Variants in SMC2 observed in about 807,000 individuals in gnomAD.
SMC2 encodes the protein structural maintenance of chromosomes protein 2.
In SMC2, 41 loss-of-function variants were observed where a neutral mutation model predicts 142.6. The ratio of observed to expected loss-of-function variants is 0.29; its 90% CI spans 0.22 to 0.37. The LOEUF is 0.37. SMC2 is among the 10% of genes least tolerant of loss of function. The probability of loss-of-function intolerance (pLI) is 1.00; values close to 1 mark genes in which losing one functional copy is unlikely to be tolerated. For synonymous variants in SMC2, 463 were observed against 457.5 expected (o/e 1.01, Z -0.15); for missense variants, 1,265 against 1,373.7 (o/e 0.92, Z 1.25).
In SMC2 at chr9:104,138,090, G is replaced by A. The variant is rs773460256; in HGVS notation, c.3342G>A (p.Glu1114=). The change falls in exon 24 of 25, where the codon GAG becomes GAA. Residue 1114 remains glutamate, a synonymous_variant. Transcript: ENST00000374793. ...FKPAPIYILD[E]VDAALDLSHT... is the part of the protein sequence containing the mutation. Reference sequence around the variant, plus strand: ...CTGCTCCAATTTATATCCTTGATGAGGTAGATGCAGCCTTGGATCTTTCTC... The same window carrying A: ...CTGCTCCAATTTATATCCTTGATGAAGTAGATGCAGCCTTGGATCTTTCTC... 10 of 1,609,630 alleles carry A rather than the reference G, an allele frequency of 6.2e-6. No homozygotes were observed. In the Admixed American group the frequency reaches 1.5e-4, roughly 24 times the overall value.
At chr9:104,131,839 A>G (rs1218547263) in intron 21 of SMC2, among the ~76,000 whole-genome samples, 170 bp from the exon 22 acceptor site, 1 of 152,016 alleles carries the variant, frequency 6.6e-6, no homozygotes, top group Admixed American at 6.6e-5. Context: ...ATCATACAGT[A>G]TATGTATAGT....
intron 9 of SMC2, among the ~76,000 whole-genome samples, chr9:104,107,085 A>G (rs1831886059): frequency 6.6e-6 from 1 of 152,246 alleles, no homozygotes. Flanking sequence ...TTTTTCATGA[A>G]GCCTGCTGGT....
intron 9 of SMC2, among the ~76,000 whole-genome samples, chr9:104,109,135 G>T (rs992084326): frequency 2.0e-5 from 3 of 152,166 alleles, no homozygotes; most frequent in Non-Finnish European, 2.9e-5. Flanking sequence ...TCTTTGTCCA[G>T]CTACTTAATT....
At chr9:104,099,117 G>A (rs191228449) in intron 4 of SMC2, among the ~76,000 whole-genome samples, 1 of 152,148 alleles carries the variant, frequency 6.6e-6, no homozygotes, top group East Asian at 1.9e-4. Flanking sequence ...CTACATTCTA[G>A]TAATACAATT....
At chr9:104,096,637 G>A (rs1290065579) in intron 3 of SMC2, among the ~76,000 whole-genome samples, 1 of 152,194 alleles carries the variant, frequency 6.6e-6, no homozygotes, top group African/African-American at 2.4e-5. Context: ...TTTTTGGACA[G>A]GTCTTATTAG....
At chr9:104,109,434 C>T (rs969686524) in intron 9 of SMC2, among the ~76,000 whole-genome samples, 2 of 152,198 alleles carry the variant, frequency 1.3e-5, no homozygotes, top group African/African-American at 4.8e-5. Flanking sequence ...CAACCTCGTT[C>T]AAGCCATCAC....
In SMC2 at chr9:104,095,405, T is replaced by C. The variant is rs747403517; in HGVS notation, c.21T>C (p.Ile7=). Residue 7 remains isoleucine, a synonymous_variant, in exon 2 of 25, where the codon ATT becomes ATC. Coordinates refer to ENST00000374793, the MANE Select transcript of SMC2 (RefSeq NM_006444.3). ...CGAAAATGCATATTAAGTCAATTAT[T>C]CTAGAGGGATTCAAGTCCTATGCTC... is the stretch of plus-strand genomic sequence containing the variant. MHIKSI[I]LEGFKSYAQR... is the part of the protein sequence containing the mutation. 1.2e-6 allele frequency: 2 copies of C among 1,613,268 alleles called. No individual in the cohort carries two copies. The highest frequency in any genetic ancestry group is 1.7e-6 in the Non-Finnish European group (2 of 1,179,990).
At position 104,100,345 on chromosome 9, in the gene SMC2, T is replaced by A. The variant is rs200591503; in HGVS notation, c.592-44T>A. On this transcript the variant is annotated intron_variant, in intron 6 of 24. Transcript: ENST00000374793. ...TACTTCTCTTTCAAATAAATTTTAA[T>A]GATACTTTACATGCGAAAATACTGA... is the stretch of plus-strand genomic sequence containing the variant. 34 of 1,482,610 alleles carry A rather than the reference T, an allele frequency of 2.3e-5. No homozygotes were observed. In the East Asian group the frequency reaches 7.7e-4, roughly 34 times the overall value. The allele number at this position is 1,482,610 out of a possible 1,614,324, so 91.8% of individuals were successfully genotyped here. A position where few individuals can be genotyped will look rare whatever the true frequency, so the allele number is the denominator to read the frequency against.
At chr9:104,111,549 T>TAATA in intron 9 of SMC2, 32 bp from the exon 10 acceptor site, 1 of 1,469,812 alleles carries the variant, frequency 6.8e-7, no homozygotes, top group Non-Finnish European at 9.4e-7. Flanking sequence ...TCCTGAAATA[T>TAATA]AATATTTTTC....
chr9:104,098,405 T>C, intron 3 of SMC2, 41 bp from the exon 4 acceptor site: 1 of 1,518,268 alleles, frequency 6.6e-7, no homozygotes, highest in Non-Finnish European at 8.9e-7. Context: ...GCACAAGGTG[T>C]GCATGTACAT....
intron 16 of SMC2, among the ~76,000 whole-genome samples, chr9:104,122,160 G>C (rs890501155): frequency 4.6e-5 from 7 of 152,122 alleles, no homozygotes; most frequent in African/African-American, 1.7e-4. Context: ...TTTGTAGTTA[G>C]TTACATTTGG....
At chr9:104,135,550 G>T (rs927425772) in intron 23 of SMC2, among the ~76,000 whole-genome samples, 2 of 152,080 alleles carry the variant, frequency 1.3e-5, no homozygotes, top group African/African-American at 2.4e-5. Flanking sequence ...TTCCAGATTT[G>T]ATGAATTCTG....
intron 23 of SMC2, among the ~76,000 whole-genome samples, chr9:104,136,606 G>A (rs1167427966): frequency 2.0e-5 from 3 of 151,670 alleles, no homozygotes; most frequent in Non-Finnish European, 4.4e-5. Flanking sequence ...TTTTTTTTAA[G>A]ATTAAGTTTT....
At chr9:104,099,050 A>C (rs929151095) in intron 4 of SMC2, among the ~76,000 whole-genome samples, 3 of 152,142 alleles carry the variant, frequency 2.0e-5, no homozygotes, top group Non-Finnish European at 2.9e-5. Context: ...CAGTGGGACC[A>C]AAATAAAAAT....
intron 21 of SMC2, 57 bp from the exon 22 acceptor site, chr9:104,131,952 C>T (rs1835022055): frequency 3.4e-6 from 3 of 883,450 alleles, no homozygotes; most frequent in Middle Eastern, 2.9e-4. Context: ...TGACCAAATT[C>T]CAGAATATAG....
At chr9:104,137,034 G>T (rs1055711980) in intron 23 of SMC2, among the ~76,000 whole-genome samples, 1 of 152,072 alleles carries the variant, frequency 6.6e-6, no homozygotes, top group African/African-American at 2.4e-5. Context: ...TGTAATCTCA[G>T]CTACTAGGGA....
At chr9:104,105,734 G>A (rs1290780028) in intron 9 of SMC2, among the ~76,000 whole-genome samples, 1 of 152,162 alleles carries the variant, frequency 6.6e-6, no homozygotes, top group Non-Finnish European at 1.5e-5. Flanking sequence ...GTTGGGGTCT[G>A]TTGGTGTACA....
chr9:104,134,003 GT>G (rs548468494), intron 22 of SMC2, among the ~76,000 whole-genome samples: 1 of 151,702 alleles, frequency 6.6e-6, no homozygotes, highest in Non-Finnish European at 1.5e-5. Flanking sequence ...TCTATTTTGT[GT>G]TTTTTTTCCT....
chr9:104,132,160 G>A (rs751013553), intron 22 of SMC2, 35 bp downstream of exon 22: 3 of 1,125,728 alleles, frequency 2.7e-6, no homozygotes, highest in Non-Finnish European at 4.0e-6. Context: ...GAGGTTGCAA[G>A]GATGAAAAAA....
Sources: gnomAD v4.1 joint callset for allele counts (sites outside exome capture counted in the v4.1 genomes callset) on GRCh38, gnomAD v4.1.1 for gene constraint, MANE v1.5 for transcripts, NCBI Gene and HGNC (gene_info 2026-07-23, HGNC 2026-07-21) for gene names.